The following MPDZ variants were observed in gnomAD, a reference collection of about 807,000 sequenced individuals.
The protein encoded by MPDZ is multiple PDZ domain crumbs cell polarity complex component.
A neutral mutation model predicts 239.1 loss-of-function variants in MPDZ; 234 were observed. That is an observed-to-expected ratio of 0.98 (90% CI 0.88 to 1.09). MPDZ has a LOEUF of 1.09. Among genes scored for constraint, MPDZ ranks in the 50% least tolerant of loss-of-function variants. The pLI, the probability that MPDZ is intolerant of heterozygous loss-of-function variation, is 0.00. For synonymous variants in MPDZ, 1,048 were observed against 881.3 expected, an observed-to-expected ratio of 1.19 and a Z score of -3.35; for missense variants, 3,175 against 2,510.0, an observed-to-expected ratio of 1.26 and a Z score of -5.66.
Position 13,151,026 on chromosome 9 carries a change from A to G in MPDZ, c.3453-338T>C, listed in dbSNP as rs79766450. Among the ~76,000 whole-genome samples the G allele has an allele frequency of 4.0e-3, 609 of 152,166 alleles. 3 individuals are homozygous for G. Among genetic ancestry groups the G allele is most frequent in the African/African-American group, 0.014 (594 of 41,546 alleles). On this transcript the variant is annotated intron_variant, in intron 24 of 46. Transcript: ENST00000319217. ...GGGCAAGTGTCTTGAAGATACATAA[A>G]TGACCAATAAGCACATGAAAAGATG...
intron 24 of MPDZ, among the ~76,000 whole-genome samples, chr9:13,155,423 A>G (rs981095478): frequency 2.0e-5 from 3 of 152,156 alleles, no homozygotes; most frequent in Non-Finnish European, 4.4e-5. Flanking sequence ...TAACTATCTA[A>G]TATGAATCTG....
chr9:13,261,451 A>C (rs1970668540), intron 1 of MPDZ, among the ~76,000 whole-genome samples: 1 of 151,984 alleles, frequency 6.6e-6, no homozygotes, highest in African/African-American at 2.4e-5. Context: ...ATATCATTAC[A>C]TCCAAAAAAA....
chr9:13,184,059 T>C (rs1358371181), intron 18 of MPDZ, among the ~76,000 whole-genome samples: 1 of 152,006 alleles, frequency 6.6e-6, no homozygotes, highest in Non-Finnish European at 1.5e-5. Flanking sequence ...TTGAACTAGA[T>C]TTTAAAACCA....
chr9:13,231,557 A>G (rs1962476338), intron 3 of MPDZ, among the ~76,000 whole-genome samples: 1 of 152,088 alleles, frequency 6.6e-6, no homozygotes. Flanking sequence ...CTCTATTTAA[A>G]AAAATAATAA....
chr9:13,246,441 C>A (rs1966613599), intron 3 of MPDZ, among the ~76,000 whole-genome samples: 1 of 151,812 alleles, frequency 6.6e-6, no homozygotes, highest in South Asian at 2.1e-4. Flanking sequence ...GACTCTGTCT[C>A]AAAAAAATAA....
At chr9:13,128,425 T>C (rs1945432005) in intron 32 of MPDZ, among the ~76,000 whole-genome samples, 1 of 152,196 alleles carries the variant, frequency 6.6e-6, no homozygotes, top group Non-Finnish European at 1.5e-5. Context: ...TAAATCATCT[T>C]GGAAGCAATG....
intron 19 of MPDZ, among the ~76,000 whole-genome samples, chr9:13,181,904 C>A (rs1486561660): frequency 6.6e-6 from 1 of 152,110 alleles, no homozygotes; most frequent in Admixed American, 6.6e-5. Flanking sequence ...AGACTGAACA[C>A]ATTCCAGAAC....
At chr9:13,272,199 A>C (rs1258344228) in intron 1 of MPDZ, among the ~76,000 whole-genome samples, 1 of 152,168 alleles carries the variant, frequency 6.6e-6, no homozygotes, top group Non-Finnish European at 1.5e-5. Flanking sequence ...AAAACAGTTA[A>C]ACACTCCCTC....
intron 1 of MPDZ, among the ~76,000 whole-genome samples, chr9:13,252,294 G>A (rs753242081): frequency 3.9e-5 from 6 of 151,984 alleles, no homozygotes; most frequent in Non-Finnish European, 5.9e-5. Flanking sequence ...TAGGCCGGGC[G>A]CGGTGGCTCA....
At chr9:13,153,373 T>C (rs1235789879) in intron 24 of MPDZ, among the ~76,000 whole-genome samples, 3 of 152,158 alleles carry the variant, frequency 2.0e-5, no homozygotes, top group Non-Finnish European at 4.4e-5. Context: ...ATCCCATTCA[T>C]TGTTTTCTCT....
chr9:13,250,073 CAT>C (rs751823769), intron 2 of MPDZ, among the ~76,000 whole-genome samples: 21 of 152,272 alleles, frequency 1.4e-4, no homozygotes, highest in Admixed American at 5.9e-4. Context: ...AAGAATATCT[CAT>C]ATGTTTTTAA....
chr9:13,153,004 A>G (rs554821073), intron 24 of MPDZ, among the ~76,000 whole-genome samples: 1 of 152,260 alleles, frequency 6.6e-6, no homozygotes, highest in South Asian at 2.1e-4. Flanking sequence ...GAGACCCTGC[A>G]ATCTGCTCCA....
At chr9:13,248,708 C>G (rs955820847) in intron 2 of MPDZ, among the ~76,000 whole-genome samples, 1 of 151,742 alleles carries the variant, frequency 6.6e-6, no homozygotes, top group Non-Finnish European at 1.5e-5. Flanking sequence ...TGGCTCATGT[C>G]TGTAATCCCC....
intron 1 of MPDZ, among the ~76,000 whole-genome samples, chr9:13,271,615 C>T (rs1972976685): frequency 6.6e-6 from 1 of 152,176 alleles, no homozygotes; most frequent in Non-Finnish European, 1.5e-5. Flanking sequence ...AAATTAAAAA[C>T]ATCAATTAAA....
At chr9:13,233,408 G>A (rs1963088927) in intron 3 of MPDZ, among the ~76,000 whole-genome samples, 1 of 151,974 alleles carries the variant, frequency 6.6e-6, no homozygotes, top group Non-Finnish European at 1.5e-5. Flanking sequence ...AAGAAGTCAG[G>A]CACAAAGCAT....
At chr9:13,175,111 T>G (rs1952287269) in intron 21 of MPDZ, among the ~76,000 whole-genome samples, 1 of 152,176 alleles carries the variant, frequency 6.6e-6, no homozygotes, top group Admixed American at 6.5e-5. Flanking sequence ...CAGGGCTGAG[T>G]CACATGACTG....
chr9:13,136,373 C>A (rs1379699989), intron 30 of MPDZ, among the ~76,000 whole-genome samples, 191 bp from the exon 31 acceptor site: 1 of 108,656 alleles, frequency 9.2e-6, no homozygotes, highest in Non-Finnish European at 1.7e-5. Flanking sequence ...TTTCTGTTGC[C>A]CGAGCTGGAG....
In MPDZ at chr9:13,205,850, T is replaced by G. The variant is rs557246671; in HGVS notation, c.1474+66A>C. ...ACCATTCTGAAATAGTAAGTTACTT[T>G]GGAATTTAAAAAAAATTGGAGACAA... On this transcript the variant is annotated intron_variant, in intron 11 of 46. Transcript: ENST00000319217. The G allele has an allele frequency of 4.0e-5, 56 of 1,391,710 alleles. No homozygotes were observed. In the African/African-American group the frequency reaches 7.4e-4, roughly 18 times the overall value. The allele number at this position is 1,391,710 out of a possible 1,614,324, so 86.2% of individuals were successfully genotyped here.
chr9:13,178,315 T>C (rs576778655), intron 19 of MPDZ, among the ~76,000 whole-genome samples: 35 of 152,136 alleles, frequency 2.3e-4, no homozygotes, highest in African/African-American at 8.2e-4. Context: ...CAATTTTCTC[T>C]TACAGAAGGA....
Sources: allele counts gnomAD v4.1 joint callset (sites outside exome capture counted in the v4.1 genomes callset), GRCh38; gene constraint gnomAD v4.1.1; transcripts MANE v1.5; gene names NCBI Gene and HGNC (gene_info 2026-07-23, HGNC 2026-07-21).